Variants in INPP5A observed in about 807,000 individuals in gnomAD.
The protein encoded by INPP5A is 43 kDa inositol polyphosphate 5-phophatase.
In INPP5A, 14 loss-of-function variants were observed where a neutral mutation model predicts 65.2. That is an observed-to-expected ratio of 0.21 (90% confidence interval 0.14 to 0.34). INPP5A has a LOEUF of 0.34. INPP5A is among the 10% of genes least tolerant of loss of function. The pLI, the probability that INPP5A is intolerant of heterozygous loss-of-function variation, is 1.00. For missense variants in INPP5A, 431 were observed against 545.6 expected (o/e 0.79, Z 2.09); for synonymous variants, 207 against 208.3 (o/e 0.99, Z 0.05).
At chr10:132,672,204 C>T (rs1012214562) in intron 4 of INPP5A, among the ~76,000 whole-genome samples, 3 of 152,124 alleles carry the variant, frequency 2.0e-5, no homozygotes, top group Non-Finnish European at 4.4e-5. Context: ...TTTCCTTTTC[C>T]TTTATCATGT....
rs1054157647 is a variant in INPP5A at position 132,587,249 on chromosome 10, G to A, written c.76-20666G>A. 6.6e-6 allele frequency among the ~76,000 whole-genome samples: 1 copy of A among 152,232 alleles called. No individual in the cohort carries two copies. The highest frequency in any genetic ancestry group is 1.5e-5 in the Non-Finnish European group (1 of 68,050). On this transcript the variant is annotated intron_variant, in intron 1 of 15. Coordinates refer to ENST00000368594, the MANE Select transcript of INPP5A (RefSeq NM_005539.5). This position sits in a 1 kb window ranked among gnomAD's most constrained non-coding sequence, Gnocchi z 4.3. ...GATGGACCCAGGGCAGCTTGGGCCC[G>A]TTCCTCACCTGTTACCTGCTGGCAG...
Position 132,745,261 on chromosome 10 carries a change from C to T in INPP5A, c.733-4256C>T, listed in dbSNP as rs3793677. Among the ~76,000 whole-genome samples, 259 of 152,272 alleles carry T rather than the reference C, an allele frequency of 1.7e-3. 6 individuals carry two copies. The East Asian group carries it at 0.045, about 27-fold the overall frequency. On this transcript the variant is annotated intron_variant, in intron 9 of 15. Transcript: ENST00000368594. ...CCACGATGCTCCTGGGGACACCTCCCCTTTGGGAAGGTGAGGGCTGGGGCT... is the reference window on the plus strand; with the variant it reads ...CCACGATGCTCCTGGGGACACCTCCTCTTTGGGAAGGTGAGGGCTGGGGCT...
chr10:132,608,326 G>A (rs149571406), intron 2 of INPP5A, among the ~76,000 whole-genome samples: 130 of 152,364 alleles, frequency 8.5e-4, no homozygotes, highest in African/African-American at 2.9e-3. Context: ...CACCAGGTCC[G>A]GTCCGTGCAG....
In INPP5A at chr10:132,676,659, G is replaced by A. The variant is rs1260053879; in HGVS notation, c.307-13733G>A. Among the ~76,000 whole-genome samples, 2 of 152,150 alleles carry A rather than the reference G, an allele frequency of 1.3e-5. No individual in the cohort carries two copies. The highest frequency in any genetic ancestry group is 4.8e-5 in the African/African-American group (2 of 41,440). ...TCCCTGCGCCCCTGATGAGATGGCA[G>A]CCCTGGGCACCTGTGGCTGCTCCCT... is the stretch of plus-strand genomic sequence containing the variant. On this transcript the variant is annotated intron_variant, in intron 4 of 15. Transcript: ENST00000368594. The surrounding 1 kb of genome is among the most constrained non-coding windows in gnomAD (Gnocchi z 4.0).
chr10:132,660,889 C>T (rs928920531), intron 4 of INPP5A, among the ~76,000 whole-genome samples: 3 of 152,184 alleles, frequency 2.0e-5, no homozygotes, highest in Non-Finnish European at 4.4e-5. Context: ...AAGTGGTGAT[C>T]CATATTGGTG....
chr10:132,739,425 C>T (rs1320184620), intron 9 of INPP5A, among the ~76,000 whole-genome samples: 1 of 152,202 alleles, frequency 6.6e-6, no homozygotes, highest in Non-Finnish European at 1.5e-5. Context: ...CAGAAGGCAG[C>T]GGGAAGGTGG....
At chr10:132,758,446 G>A (rs1221914789) in intron 11 of INPP5A, among the ~76,000 whole-genome samples, 8 of 150,776 alleles carry the variant, frequency 5.3e-5, no homozygotes, top group Non-Finnish European at 1.2e-4. Context: ...TGACCCCACA[G>A]GCCAGTGCGA....
chr10:132,567,891 TAA>T (rs1048873123), intron 1 of INPP5A, among the ~76,000 whole-genome samples: 1 of 151,234 alleles, frequency 6.6e-6, no homozygotes, highest in Non-Finnish European at 1.5e-5. Flanking sequence ...GGCAAAAAAT[TAA>T]AAAAAAATAT....
At chr10:132,711,747 G>A (rs993558388) in intron 8 of INPP5A, among the ~76,000 whole-genome samples, 3 of 152,230 alleles carry the variant, frequency 2.0e-5, no homozygotes, top group African/African-American at 7.2e-5. Context: ...GCCTGGACTT[G>A]TGCAGAGCAG....
rs1161663697 is a variant in INPP5A at position 132,753,650 on chromosome 10, G to A, written c.903+3805G>A. ...TGGAGAGATTAAATTTTCCTCGGCT[G>A]TCCCAGGGCCGGGCTTGGGAGTTTC... On this transcript the variant is annotated intron_variant, in intron 11 of 15. Transcript: ENST00000368594. The surrounding 1 kb of genome is among the most constrained non-coding windows in gnomAD (Gnocchi z 5.3). 6.6e-6 allele frequency: 1 copy of A among 152,228 alleles called. No homozygotes were observed. 9.4% of individuals were successfully genotyped at this position (152,228 alleles called of 1,614,324 possible). A position where few individuals can be genotyped will look rare whatever the true frequency, so the allele number is the denominator to read the frequency against.
intron 8 of INPP5A, among the ~76,000 whole-genome samples, chr10:132,721,102 G>A (rs1262093418): frequency 6.6e-6 from 1 of 150,950 alleles, no homozygotes; most frequent in Non-Finnish European, 1.5e-5. Flanking sequence ...CTGCCTGGAG[G>A]AGCCTTAGAC....
chr10:132,655,056 C>T lies in INPP5A; in HGVS notation c.306+4551C>T, dbSNP rs112219992. 1.1e-3 allele frequency among the ~76,000 whole-genome samples: 169 copies of T among 152,380 alleles called. 1 individual carries two copies. Among genetic ancestry groups the T allele is most frequent in the East Asian group, 1.9e-3 (10 of 5,190 alleles). ...GTCTGGGATGGACATGCACCGACTC[C>T]GCCAGGCGAGGTGGGCCTGGCTCAG... On this transcript the variant is annotated intron_variant, in intron 4 of 15. Coordinates refer to ENST00000368594, the MANE Select transcript of INPP5A (RefSeq NM_005539.5).
chr10:132,574,961 G>A (rs2071397167), intron 1 of INPP5A, among the ~76,000 whole-genome samples: 1 of 152,182 alleles, frequency 6.6e-6, no homozygotes. Context: ...TGGTGGTAAG[G>A]AGCTGTCTAG....
chr10:132,733,903 C>T (rs984758221), intron 9 of INPP5A, among the ~76,000 whole-genome samples: 1 of 152,252 alleles, frequency 6.6e-6, no homozygotes, highest in Non-Finnish European at 1.5e-5. Context: ...TGATGAAGAA[C>T]TGACAGGAGT....
chr10:132,562,189 AC>A (rs765872029), intron 1 of INPP5A, among the ~76,000 whole-genome samples: 4 of 152,194 alleles, frequency 2.6e-5, no homozygotes, highest in Non-Finnish European at 4.4e-5. Context: ...CTCCTGCTGC[AC>A]CGCCCTCGCC....
At chr10:132,594,800 C>T (rs987752232) in intron 1 of INPP5A, among the ~76,000 whole-genome samples, 5 of 152,118 alleles carry the variant, frequency 3.3e-5, no homozygotes, top group Admixed American at 3.3e-4. Flanking sequence ...GCCTGGAGCT[C>T]TCTGGTAGGC....
chr10:132,699,123 G>A (rs1324855794), intron 6 of INPP5A, among the ~76,000 whole-genome samples: 2 of 152,238 alleles, frequency 1.3e-5, no homozygotes, highest in South Asian at 4.1e-4. Context: ...TCCACGCACA[G>A]TAGTTGCGTC....
chr10:132,671,962 G>T (rs1277245895), intron 4 of INPP5A, among the ~76,000 whole-genome samples: 2 of 152,172 alleles, frequency 1.3e-5, no homozygotes, highest in Non-Finnish European at 2.9e-5. Flanking sequence ...GTGGTGCTCA[G>T]GGTGGACAGC....
chr10:132,651,657 G>A lies in INPP5A; in HGVS notation c.306+1152G>A, dbSNP rs1411181422. ...TCTGCCCTCTCCCAGGTGGGCCCCC[G>A]TAGGCTGCAGTGCTGAGGGTCTCGC... On this transcript the variant is annotated intron_variant, in intron 4 of 15. Transcript: ENST00000368594. The surrounding 1 kb of genome is among the most constrained non-coding windows in gnomAD (Gnocchi z 5.0). Among the ~76,000 whole-genome samples the A allele has an allele frequency of 6.6e-6, 1 of 152,168 alleles. No individual in the cohort carries two copies.
Sources: gnomAD v4.1 joint callset for allele counts (sites outside exome capture counted in the v4.1 genomes callset) on GRCh38, gnomAD v4.1.1 for gene constraint, Gnocchi (gnomAD v3.1) non-coding constraint, MANE v1.5 for transcripts, NCBI Gene and HGNC (gene_info 2026-07-23, HGNC 2026-07-21) for gene names.